CCSER2: variants seen among roughly 807,000 people sequenced by gnomAD.
CCSER2 encodes coiled-coil serine rich protein 2, also known as serine-rich coiled-coil domain-containing protein 2.
Under a neutral mutation model 92.3 loss-of-function variants are expected in CCSER2, and 46 were observed. The observed-to-expected ratio is 0.50, with a 90% CI of 0.39 to 0.64. CCSER2 has a LOEUF of 0.64. Ranked by LOEUF, CCSER2 falls within the 30% of genes least tolerant of loss-of-function variation. The probability of loss-of-function intolerance (pLI) is 0.00; values close to 1 mark genes in which losing one functional copy is unlikely to be tolerated. For missense variants in CCSER2, 1,244 were observed against 1,238.9 expected (o/e 1.00, Z -0.06); for synonymous variants, 433 against 431.4 (o/e 1.00, Z -0.04).
intron 6 of CCSER2, among the ~76,000 whole-genome samples, chr10:84,462,631 A>G (rs113610519): frequency 1.1e-4 from 16 of 152,362 alleles, no homozygotes; most frequent in African/African-American, 3.8e-4. Context: ...TTCTTAGATC[A>G]AAGTCTTAAT....
intron 1 of CCSER2, among the ~76,000 whole-genome samples, chr10:84,353,371 T>C (rs577326301): frequency 6.6e-6 from 1 of 152,324 alleles, no homozygotes; most frequent in South Asian, 2.1e-4. Flanking sequence ...ACATCTGTTA[T>C]ATGCCAGGCT....
intron 3 of CCSER2, among the ~76,000 whole-genome samples, chr10:84,398,285 G>C (rs1841946885): frequency 6.6e-6 from 1 of 152,042 alleles, no homozygotes; most frequent in South Asian, 2.1e-4. Context: ...TCCATTCTGA[G>C]TGATTATTAT....
At chr10:84,458,790 C>T (rs185541649) in intron 6 of CCSER2, among the ~76,000 whole-genome samples, 60 of 152,022 alleles carry the variant, frequency 3.9e-4, no homozygotes, top group Non-Finnish European at 7.5e-4. Context: ...AGAAATCAAC[C>T]TATATATTTA....
intron 9 of CCSER2, among the ~76,000 whole-genome samples, chr10:84,496,686 T>A (rs1187097005): frequency 1.3e-5 from 2 of 152,212 alleles, no homozygotes; most frequent in Admixed American, 6.5e-5. Flanking sequence ...TTGCTAGTCT[T>A]CCTCTTTCCT....
chr10:84,461,397 C>G (rs10887302), intron 6 of CCSER2, among the ~76,000 whole-genome samples: 1 of 151,922 alleles, frequency 6.6e-6, no homozygotes. Context: ...TCTGCCCACC[C>G]CTATCCTTCT....
chr10:84,508,267 G>C, intron 9 of CCSER2, among the ~76,000 whole-genome samples: 1 of 152,282 alleles, frequency 6.6e-6, no homozygotes, highest in African/African-American at 2.4e-5. Flanking sequence ...AGACTCAAGA[G>C]TTTGAATCTA....
intron 3 of CCSER2, among the ~76,000 whole-genome samples, chr10:84,379,766 CTTTT>C (rs1269762259): frequency 6.6e-6 from 1 of 151,940 alleles, no homozygotes; most frequent in Non-Finnish European, 1.5e-5. Context: ...CTACAGGTTT[CTTTT>C]TTAACTCAAT....
chr10:84,333,126 A>G (rs999646519), intron 1 of CCSER2, among the ~76,000 whole-genome samples: 1 of 152,208 alleles, frequency 6.6e-6, no homozygotes, highest in Non-Finnish European at 1.5e-5. Flanking sequence ...CATTTTTATG[A>G]CAGCAATATA....
At chr10:84,358,156 G>C (rs1845291822) in intron 1 of CCSER2, among the ~76,000 whole-genome samples, 1 of 152,150 alleles carries the variant, frequency 6.6e-6, no homozygotes, top group South Asian at 2.1e-4. Flanking sequence ...AGTTAGCATG[G>C]AGTTTAAAAA....
At chr10:84,401,374 A>T (rs552847598) in intron 3 of CCSER2, among the ~76,000 whole-genome samples, 10 of 152,294 alleles carry the variant, frequency 6.6e-5, no homozygotes, top group Admixed American at 2.0e-4. Flanking sequence ...ACCGCTACAA[A>T]CTCCACAGAC....
chr10:84,467,367 G>A (rs1396607902), intron 7 of CCSER2, among the ~76,000 whole-genome samples: 5 of 151,928 alleles, frequency 3.3e-5, no homozygotes, highest in African/African-American at 1.2e-4. Context: ...TTTCTTTCAT[G>A]CTTGGTAATC....
chr10:84,438,653 G>T lies in CCSER2; in HGVS notation c.2010G>T (p.Gln670His). Residue 670 changes from glutamine to histidine, a missense_variant, in exon 6 of 10, where the codon CAG (glutamine) becomes CAT (histidine). Gln to His is a conservative substitution (Grantham distance 24, BLOSUM62 0). Coordinates refer to ENST00000372088, the MANE Select transcript of CCSER2 (RefSeq NM_001284240.2). Reference protein sequence around the residue: ...LDEMTLRHMVQDCTAVKTQLL... With the variant: ...LDEMTLRHMVHDCTAVKTQLL... ...AGATGACCCTTCGGCACATGGTTCA[G>T]GATTGCACTGCTGTAAAAACTCAGT... 6.2e-7 allele frequency: 1 copy of T among 1,613,422 alleles called. No homozygotes were observed. Among genetic ancestry groups the T allele is most frequent in the Non-Finnish European group, 8.5e-7 (1 of 1,179,712 alleles).
intron 8 of CCSER2, 41 bp from the exon 9 acceptor site, chr10:84,477,534 G>T: frequency 9.2e-7 from 1 of 1,086,464 alleles, no homozygotes; most frequent in South Asian, 1.3e-5. Context: ...GTGTGTATAT[G>T]CAGAATTAAA....
chr10:84,401,767 A>G (rs999553380), intron 3 of CCSER2, among the ~76,000 whole-genome samples: 1 of 152,222 alleles, frequency 6.6e-6, no homozygotes, highest in African/African-American at 2.4e-5. Flanking sequence ...CCTCATTAAC[A>G]TCGTAGTGCA....
intron 2 of CCSER2, among the ~76,000 whole-genome samples, chr10:84,373,349 G>A (rs111517631): frequency 9.2e-5 from 14 of 152,092 alleles, no homozygotes; most frequent in African/African-American, 3.4e-4. Flanking sequence ...AGGAATATGA[G>A]GGTTTATTTA....
At chr10:84,331,686 G>A (rs1042916643) in intron 1 of CCSER2, among the ~76,000 whole-genome samples, 13 of 152,194 alleles carry the variant, frequency 8.5e-5, no homozygotes, top group African/African-American at 3.1e-4. Context: ...GTACTTAGTG[G>A]TGTGGGCCTG....
At chr10:84,341,404 C>CA (rs986291007) in intron 1 of CCSER2, among the ~76,000 whole-genome samples, 1 of 137,564 alleles carries the variant, frequency 7.3e-6, no homozygotes, top group Admixed American at 7.8e-5. Flanking sequence ...GGGCTGGTCT[C>CA]AAACTCCTAG....
At chr10:84,362,665 G>A (rs1845563233) in intron 1 of CCSER2, among the ~76,000 whole-genome samples, 1 of 152,114 alleles carries the variant, frequency 6.6e-6, no homozygotes, top group African/African-American at 2.4e-5. Context: ...GTTGTAGCTG[G>A]AGCACAGAAA....
rs568831627 is a variant in CCSER2, at chr10:84,490,122, C to T, written c.2325+12458C>T. On this transcript the variant is annotated intron_variant, in intron 9 of 9. Coordinates refer to ENST00000372088, the MANE Select transcript of CCSER2 (RefSeq NM_001284240.2). ...TCTGAGAGATCCGCTGTTAGTCTGA[C>T]GGGTTTCCCTTTGTGGGTAACCCAG... Among the ~76,000 whole-genome samples, 40 of 152,274 alleles carry T rather than the reference C, an allele frequency of 2.6e-4. 1 individual carries two copies. In the South Asian group the frequency reaches 6.0e-3, roughly 23 times the overall value.
Sources: allele counts gnomAD v4.1 joint callset (sites outside exome capture counted in the v4.1 genomes callset), GRCh38; gene constraint gnomAD v4.1.1; transcripts MANE v1.5; gene names NCBI Gene and HGNC (gene_info 2026-07-23, HGNC 2026-07-21).